DAGLA: variants seen among roughly 807,000 people sequenced by gnomAD.
DAGLA encodes the protein diacylglycerol lipase-alpha.
A neutral mutation model predicts 102.6 loss-of-function variants in DAGLA; 22 were observed. The observed-to-expected ratio is 0.21, with a 90% CI of 0.15 to 0.31. The LOEUF (loss-of-function observed/expected upper bound fraction) is 0.31. DAGLA is among the 10% of genes least tolerant of loss of function. The pLI is 1.00. For missense variants in DAGLA, 927 were observed against 1,446.6 expected (o/e 0.64, Z 5.83); for synonymous variants, 578 against 628.9 (o/e 0.92, Z 1.21).
chr11:61,694,110 G>C (rs2065045456), intron 1 of DAGLA, among the ~76,000 whole-genome samples: 1 of 152,272 alleles, frequency 6.6e-6, no homozygotes. Flanking sequence ...GCCCAAAGCT[G>C]TGTGACCTTG....
chr11:61,726,209 G>C lies in DAGLA; in HGVS notation c.636+127G>C. ...GGAAGGAGCTGGGTTTCCAGCGTGA[G>C]CAAGTATGGCCTGCTCACACAGGGC... On this transcript the variant is annotated intron_variant, in intron 6 of 19. Transcript: ENST00000257215. The C allele has an allele frequency of 3.6e-6, 3 of 838,198 alleles. No individual in the cohort carries two copies. The Admixed American group carries it at 5.9e-5, about 16-fold the overall frequency. 51.9% of individuals were successfully genotyped at this position (838,198 alleles called of 1,614,324 possible).
chr11:61,739,251 C>T (rs1219123214), intron 16 of DAGLA, among the ~76,000 whole-genome samples: 2 of 152,232 alleles, frequency 1.3e-5, no homozygotes, highest in Admixed American at 1.3e-4. Context: ...GTCCTTGGCA[C>T]CTTATTGGCC....
At chr11:61,692,420 GTAGAACTTGGAACCTAAAAATA>G (rs886919961) in intron 1 of DAGLA, among the ~76,000 whole-genome samples, 17 of 152,122 alleles carry the variant, frequency 1.1e-4, no homozygotes, top group African/African-American at 4.1e-4. Flanking sequence ...GTTGGCCATG[GTAGAACTTGGAACCTAAAAATA>G]TAGGTTCCTG....
rs117050893 is a variant in DAGLA at position 61,744,322 on chromosome 11, C to G, written c.2962C>G (p.Leu988Val). 5.1e-3 allele frequency: 8,241 copies of G among 1,612,668 alleles called. 35 individuals are homozygous for G. Among genetic ancestry groups the G allele is most frequent in the Admixed American group, 0.027 (1,598 of 60,018 alleles). The change falls in exon 20 of 20, where the codon CTC becomes GTC. Residue 988 changes from leucine to valine, a missense_variant. Leu to Val is a conservative substitution (Grantham distance 32). This residue lies in a region of DAGLA where 434 missense variants were observed against 503.3 expected (regional missense o/e 0.86). Coordinates refer to ENST00000257215, the MANE Select transcript of DAGLA (RefSeq NM_006133.3). ...AGCCGACCCCTCCTCGGGCATCTCACTCTCGCCCTCCTTCCCGCTCAGCTC... is the reference window on the plus strand; with the variant it reads ...AGCCGACCCCTCCTCGGGCATCTCAGTCTCGCCCTCCTTCCCGCTCAGCTC... ...GSADPSSGIS[L>V]SPSFPLSSSG...
intron 1 of DAGLA, among the ~76,000 whole-genome samples, chr11:61,711,101 C>T (rs542400190): frequency 7.1e-4 from 108 of 152,188 alleles, no homozygotes; most frequent in African/African-American, 2.6e-3. Flanking sequence ...GGGGTAAAGA[C>T]GTGTTAGGGC....
intron 4 of DAGLA, 96 bp downstream of exon 4, chr11:61,723,056 G>A: frequency 9.6e-7 from 1 of 1,039,772 alleles, no homozygotes; most frequent in Non-Finnish European, 1.5e-6. Context: ...ATTGCCAGAG[G>A]GCAGTGCCTT....
intron 17 of DAGLA, among the ~76,000 whole-genome samples, 168 bp from the exon 18 acceptor site, chr11:61,740,295 A>G (rs1488387075): frequency 6.6e-6 from 1 of 152,156 alleles, no homozygotes; most frequent in Non-Finnish European, 1.5e-5. Flanking sequence ...GGCTGAGGGC[A>G]GGGCAGGAGC....
intron 1 of DAGLA, among the ~76,000 whole-genome samples, chr11:61,685,986 G>A (rs970741123): frequency 3.3e-5 from 5 of 152,156 alleles, no homozygotes; most frequent in South Asian, 2.1e-4. Context: ...ATCTGTGAAC[G>A]CATGGGCATT....
At chr11:61,732,423 T>C (rs929531766) in intron 9 of DAGLA, among the ~76,000 whole-genome samples, 2 of 152,204 alleles carry the variant, frequency 1.3e-5, no homozygotes, top group Non-Finnish European at 2.9e-5. Context: ...CCTGCATCCC[T>C]GGGAGTCCCA....
chr11:61,726,172 G>A (rs1591045086), intron 6 of DAGLA, 90 bp downstream of exon 6: 2 of 1,270,750 alleles, frequency 1.6e-6, no homozygotes, highest in African/African-American at 1.5e-5. Flanking sequence ...GCAGGATGGG[G>A]CAGGGCTGGT....
rs2064970952 is a variant in DAGLA at position 61,684,552 on chromosome 11, A to G, written c.-45+4048A>G. Among the ~76,000 whole-genome samples, 2 of 152,044 alleles carry G rather than the reference A, an allele frequency of 1.3e-5. No homozygotes were observed. Among genetic ancestry groups the G allele is most frequent in the Admixed American group, 6.6e-5 (1 of 15,266 alleles). ...GTGAGGACCTCTTTGCTGCTGAGGA[A>G]GGAGTCCAGGGAGATGCCGTGGAGG... On this transcript the variant is annotated intron_variant, in intron 1 of 19. Transcript: ENST00000257215. The surrounding 1 kb of genome is among the most constrained non-coding windows in gnomAD (Gnocchi z 4.5).
At position 61,720,733 on chromosome 11, in the gene DAGLA, C is replaced by G. The variant is rs762384427; in HGVS notation, c.150C>G (p.Ala50=). 1.9e-6 allele frequency: 3 copies of G among 1,613,914 alleles called. No individual in the cohort carries two copies. The highest frequency in any genetic ancestry group is 1.7e-5 in the Admixed American group (1 of 60,012). Residue 50 remains alanine (A), a synonymous_variant, in exon 3 of 20, where the codon GCC becomes GCG. Transcript: ENST00000257215. ...GCCTGGTCTATAACCCGCACGAGGCCTGCTCCCTGAACCTGGTGGACCACG... is the reference window on the plus strand; with the variant it reads ...GCCTGGTCTATAACCCGCACGAGGCGTGCTCCCTGAACCTGGTGGACCACG... ...LFGLVYNPHE[A]CSLNLVDHGR... is the part of the protein sequence containing the mutation.
rs1485272352 is a variant in DAGLA, at chr11:61,734,908, A to G, written c.1034A>G (p.Asn345Ser). ...FAPGVTIEEDNCCGCNAIAIR... is the reference protein window; with the variant it reads ...FAPGVTIEEDSCCGCNAIAIR... ...CCTGGAGTCACCATCGAGGAAGACA[A>G]CTGCTGTGGCTGTAATGCCATTGCC... The change falls in exon 10 of 20, where the codon AAC becomes AGC. Residue 345 changes from asparagine to serine, a missense_variant. Around this residue, in one of 4 missense-constraint regions of DAGLA, gnomAD observed 218 missense variants for 459.6 expected, o/e 0.47. Transcript: ENST00000257215. This position sits in a 1 kb window ranked among gnomAD's most constrained non-coding sequence, Gnocchi z 4.2. 4 of 1,614,102 alleles carry G rather than the reference A, an allele frequency of 2.5e-6. No homozygotes were observed. The highest frequency in any genetic ancestry group is 3.4e-6 in the Non-Finnish European group (4 of 1,179,954).
chr11:61,690,942 T>C (rs2065018926), intron 1 of DAGLA, among the ~76,000 whole-genome samples: 1 of 152,204 alleles, frequency 6.6e-6, no homozygotes, highest in Non-Finnish European at 1.5e-5. Context: ...TCACCGACCC[T>C]GTACCTCGCC....
At chr11:61,687,478 C>T (rs1023005312) in intron 1 of DAGLA, among the ~76,000 whole-genome samples, 1 of 152,250 alleles carries the variant, frequency 6.6e-6, no homozygotes, top group East Asian at 1.9e-4. Context: ...ATTACAGGCA[C>T]GTGCCACCAC....
chr11:61,698,297 A>T (rs759135671), intron 1 of DAGLA, among the ~76,000 whole-genome samples: 5 of 152,194 alleles, frequency 3.3e-5, no homozygotes, highest in Admixed American at 6.5e-5. Flanking sequence ...CCATCTGCAG[A>T]GGGGCGGCCC....
chr11:61,735,149 C>T (rs1591050854), intron 10 of DAGLA, 147 bp downstream of exon 10: 1 of 932,710 alleles, frequency 1.1e-6, no homozygotes, highest in African/African-American at 1.6e-5. Flanking sequence ...CTGGGCAGAC[C>T]AGAGGTGGCC....
In DAGLA at chr11:61,706,684, G is replaced by A. The variant is rs560258283; in HGVS notation, c.-44-13428G>A. ...ACTGAAGGTGGAGGAGTCAGCATGA[G>A]CTGTGACGCAGGCTGACCCCGCCGA... On this transcript the variant is annotated intron_variant, in intron 1 of 19. Coordinates refer to ENST00000257215, the MANE Select transcript of DAGLA (RefSeq NM_006133.3). 5.3e-5 allele frequency among the ~76,000 whole-genome samples: 8 copies of A among 152,330 alleles called. No individual in the cohort carries two copies. In the East Asian group the frequency reaches 9.6e-4, roughly 18 times the overall value.
intron 1 of DAGLA, among the ~76,000 whole-genome samples, chr11:61,700,057 C>T (rs375737965): frequency 3.9e-5 from 6 of 152,212 alleles, no homozygotes; most frequent in Non-Finnish European, 5.9e-5. Flanking sequence ...CGGCCTCGCC[C>T]GCGCAGAGCA....
Sources: allele counts gnomAD v4.1 joint callset (sites outside exome capture counted in the v4.1 genomes callset), GRCh38; gene constraint gnomAD v4.1.1; regional missense constraint gnomAD v4.1.1; non-coding constraint Gnocchi (gnomAD v3.1); transcripts MANE v1.5; gene names NCBI Gene and HGNC (gene_info 2026-07-23, HGNC 2026-07-21).